PTPRD: variants seen among roughly 807,000 people sequenced by gnomAD.
PTPRD encodes the protein protein tyrosine phosphatase receptor type D, also known as receptor-type tyrosine-protein phosphatase delta.
A neutral mutation model predicts 214.5 loss-of-function variants in PTPRD; 34 were observed. The observed-to-expected ratio is 0.16, with a 90% CI of 0.12 to 0.21. The LOEUF (loss-of-function observed/expected upper bound fraction) is 0.21, where lower values mean the gene tolerates loss of function less well. Among genes scored for constraint, PTPRD ranks in the 10% least tolerant of loss-of-function variants. The pLI is 1.00. For missense variants in PTPRD, 2,545 were observed against 2,398.7 expected (o/e 1.06, Z -1.27); for synonymous variants, 1,128 against 845.7 (o/e 1.33, Z -5.79).
At chr9:8,376,236 A>G in intron 38 of PTPRD, 146 bp from the exon 39 acceptor site, 1 of 958,068 alleles carries the variant, frequency 1.0e-6, no homozygotes, top group Non-Finnish European at 1.5e-6. Context: ...CTCTTTGGAA[A>G]TAGAAACCCC....
At chr9:8,666,761 T>C (rs1565125063) in intron 12 of PTPRD, among the ~76,000 whole-genome samples, 1 of 152,198 alleles carries the variant, frequency 6.6e-6, no homozygotes, top group South Asian at 2.1e-4. Context: ...CTGTGAGTTT[T>C]CTGCAGACAT....
chr9:10,092,240 A>G (rs530823014), intron 3 of PTPRD, among the ~76,000 whole-genome samples: 1 of 151,602 alleles, frequency 6.6e-6, no homozygotes. Context: ...CACATTTCTG[A>G]GCAAAATGCC....
At chr9:8,647,488 TTCA>T (rs2096719667) in intron 12 of PTPRD, among the ~76,000 whole-genome samples, 1 of 152,178 alleles carries the variant, frequency 6.6e-6, no homozygotes, top group Admixed American at 6.5e-5. Context: ...CACAAATAAA[TTCA>T]TCATGTTTAT....
intron 3 of PTPRD, among the ~76,000 whole-genome samples, chr9:10,164,548 T>A (rs1253565334): frequency 6.6e-6 from 1 of 151,608 alleles, no homozygotes; most frequent in East Asian, 1.9e-4. Context: ...ACTAACTTCA[T>A]ATTACAGTTT....
At chr9:8,635,761 G>C (rs1043739984) in intron 13 of PTPRD, among the ~76,000 whole-genome samples, 4 of 152,052 alleles carry the variant, frequency 2.6e-5, no homozygotes, top group African/African-American at 4.8e-5. Flanking sequence ...AGGCAGTTTG[G>C]GGGTATTGGT....
intron 5 of PTPRD, among the ~76,000 whole-genome samples, chr9:9,915,667 T>C (rs1017911987): frequency 2.0e-5 from 3 of 150,772 alleles, no homozygotes; most frequent in Non-Finnish European, 3.0e-5. Context: ...TGAAAACAGA[T>C]CTTTTTAAAT....
intron 43 of PTPRD, among the ~76,000 whole-genome samples, chr9:8,331,978 T>C (rs1279368758): frequency 6.6e-6 from 1 of 151,336 alleles, no homozygotes; most frequent in Non-Finnish European, 1.5e-5. Flanking sequence ...ACTCTTGCAG[T>C]GCCCAGTTAA....
intron 4 of PTPRD, among the ~76,000 whole-genome samples, chr9:9,980,885 C>T (rs1035493491): frequency 4.6e-5 from 7 of 151,652 alleles, no homozygotes; most frequent in African/African-American, 9.7e-5. Flanking sequence ...CTAATTTAAC[C>T]ATGTTACATT....
At chr9:9,904,643 CA>C in intron 5 of PTPRD, among the ~76,000 whole-genome samples, 1 of 151,888 alleles carries the variant, frequency 6.6e-6, no homozygotes, top group East Asian at 1.9e-4. Flanking sequence ...TGCAATAATG[CA>C]TTTAAAAAAA....
At chr9:10,037,992 T>G (rs1394485144) in intron 3 of PTPRD, among the ~76,000 whole-genome samples, 1 of 152,126 alleles carries the variant, frequency 6.6e-6, no homozygotes, top group African/African-American at 2.4e-5. Context: ...TATATGAGAG[T>G]CTATCTACAG....
chr9:9,604,611 G>T (rs1425858511), intron 7 of PTPRD, among the ~76,000 whole-genome samples: 4 of 151,962 alleles, frequency 2.6e-5, no homozygotes, highest in Admixed American at 2.0e-4. Context: ...CTGTGGTCCA[G>T]TCCAAAACTA....
rs148353265 is a variant in PTPRD, at chr9:9,589,927, C to T, written c.-286-15146G>A. On this transcript the variant is annotated intron_variant, in intron 7 of 45. Coordinates refer to ENST00000381196, the MANE Select transcript of PTPRD (RefSeq NM_002839.4). ...GGGTCATTATTTCTACAGGTCATCT[C>T]GGCAATATCTATCCAAAGCGCTCAA... 1.9e-4 allele frequency among the ~76,000 whole-genome samples: 29 copies of T among 151,942 alleles called. 2 individuals carry two copies. In the East Asian group the frequency reaches 3.9e-3, roughly 20 times the overall value.
chr9:9,534,960 A>G (rs1360890301), intron 8 of PTPRD, among the ~76,000 whole-genome samples: 1 of 152,084 alleles, frequency 6.6e-6, no homozygotes, highest in Non-Finnish European at 1.5e-5. Flanking sequence ...AACTGTAAAG[A>G]TGAGGAACAA....
intron 11 of PTPRD, among the ~76,000 whole-genome samples, chr9:8,750,699 A>G (rs2093431553): frequency 6.6e-6 from 1 of 152,134 alleles, no homozygotes; most frequent in South Asian, 2.1e-4. Context: ...TGCAGGAATG[A>G]GCTTGGTTGT....
chr9:8,416,790 C>A (rs1413032863), intron 35 of PTPRD, among the ~76,000 whole-genome samples: 1 of 152,034 alleles, frequency 6.6e-6, no homozygotes, highest in African/African-American at 2.4e-5. Flanking sequence ...TCACTACTTA[C>A]AGAATCTCAT....
At chr9:9,391,608 A>T (rs1041630659) in intron 9 of PTPRD, among the ~76,000 whole-genome samples, 2 of 152,158 alleles carry the variant, frequency 1.3e-5, no homozygotes, top group Non-Finnish European at 2.9e-5. Flanking sequence ...GTGAGTCCTC[A>T]TTTGTATATG....
intron 11 of PTPRD, among the ~76,000 whole-genome samples, chr9:8,902,115 C>G (rs998452361): frequency 1.3e-5 from 2 of 148,158 alleles, no homozygotes; most frequent in African/African-American, 5.2e-5. Flanking sequence ...TTATCATATA[C>G]TATGCACATA....
chr9:9,097,710 A>G (rs1322267466), intron 10 of PTPRD, among the ~76,000 whole-genome samples: 1 of 152,130 alleles, frequency 6.6e-6, no homozygotes, highest in African/African-American at 2.4e-5. Flanking sequence ...AATCAAGTGC[A>G]AATCCTCTCT....
intron 14 of PTPRD, among the ~76,000 whole-genome samples, chr9:8,534,665 T>C (rs1292381903): frequency 6.6e-6 from 1 of 151,628 alleles, no homozygotes; most frequent in African/African-American, 2.4e-5. Context: ...ACTAGGACTG[T>C]CATTTTAATA....
Sources: gnomAD v4.1 joint callset for allele counts (sites outside exome capture counted in the v4.1 genomes callset) on GRCh38, gnomAD v4.1.1 for gene constraint, MANE v1.5 for transcripts, NCBI Gene and HGNC (gene_info 2026-07-23, HGNC 2026-07-21) for gene names.